ZNF699: variants seen among roughly 807,000 people sequenced by gnomAD.
ZNF699 encodes the protein hangover homolog.
In ZNF699, 18 loss-of-function variants were observed where a neutral mutation model predicts 22.5. That is an observed-to-expected ratio of 0.80 (90% confidence interval 0.55 to 1.19). The LOEUF (loss-of-function observed/expected upper bound fraction) is 1.19. Ranked by LOEUF, ZNF699 falls within the 50% of genes most tolerant of loss-of-function variation. ZNF699 has a pLI of 0.00. For missense variants in ZNF699, 670 were observed against 763.4 expected (o/e 0.88, Z 1.44); for synonymous variants, 241 against 262.3 (o/e 0.92, Z 0.78).
chr19:9,302,269 T>G (rs2066310312), intron 3 of ZNF699, 109 bp downstream of exon 3: 9 of 1,305,580 alleles, frequency 6.9e-6, no homozygotes, highest in South Asian at 1.2e-5. Context: ...ATATCTGTCT[T>G]ACTTACCAAT....
At chr19:9,299,505 A>G (rs1391052486) in intron 3 of ZNF699, among the ~76,000 whole-genome samples, 5 of 151,986 alleles carry the variant, frequency 3.3e-5, no homozygotes, top group African/African-American at 1.2e-4. Context: ...TGGTGTGATC[A>G]TAGCTCACTG....
Position 9,292,474 on chromosome 19 carries a change from A to G in ZNF699, c.*3001T>C, listed in dbSNP as rs930638656. ...TTTCTGGGGCCATCTATGAAGAGAC[A>G]ACCTGCTTGGAAGAAACACTAATGC... On this transcript the variant is annotated 3_prime_UTR_variant, in exon 6 of 6. Transcript: ENST00000591998. Among the ~76,000 whole-genome samples the G allele has an allele frequency of 4.6e-5, 7 of 152,182 alleles. No individual in the cohort carries two copies. Among genetic ancestry groups the G allele is most frequent in the Admixed American group, 1.3e-4 (2 of 15,274 alleles).
At chr19:9,298,138 T>TA in intron 3 of ZNF699, 148 bp from the exon 4 acceptor site, 1 of 560,722 alleles carries the variant, frequency 1.8e-6, no homozygotes. Context: ...TTTATTTATT[T>TA]TTTTTTTTAA....
At chr19:9,298,299 A>G (rs546126081) in intron 3 of ZNF699, among the ~76,000 whole-genome samples, 18 of 152,244 alleles carry the variant, frequency 1.2e-4, no homozygotes, top group Admixed American at 3.9e-4. Flanking sequence ...TACAAAAATT[A>G]GCAGGGTGTG....
chr19:9,296,605 T>C lies in ZNF699; in HGVS notation c.799A>G (p.Arg267Gly), dbSNP rs754747037. 6.2e-7 allele frequency: 1 copy of C among 1,614,206 alleles called. No individual in the cohort carries two copies. Among genetic ancestry groups the C allele is most frequent in the South Asian group, 1.1e-5 (1 of 91,086 alleles). ...CCGATGTGAATCTTCATATGTGCCC[T>C]AAAGAATGAGGAACAGCTGAAGGCT... is the stretch of plus-strand genomic sequence containing the variant. ...TKAFSCSSFFRAHMKIHIGKT... is the reference protein window; with the variant it reads ...TKAFSCSSFFGAHMKIHIGKT... The change falls in exon 6 of 6, where the codon AGG (arginine) becomes GGG (glycine). Residue 267 changes from arginine (R) to glycine (G), a missense_variant. Physicochemically the swap from Arg to Gly is moderately radical, Grantham distance 125. Coordinates refer to ENST00000591998, the MANE Select transcript of ZNF699 (RefSeq NM_198535.3).
Position 9,296,534 on chromosome 19 carries a change from A to G in ZNF699, c.870T>C (p.Cys290=), listed in dbSNP as rs554563890. The change falls in exon 6 of 6, where the codon TGT becomes TGC. Residue 290 remains cysteine (C), a synonymous_variant. Coordinates refer to ENST00000591998, the MANE Select transcript of ZNF699 (RefSeq NM_198535.3). Reference sequence around the variant, plus strand: ...TTTTGTGTTCTGTGAGCGATGAGGAACAACTAAAACCTTTCCCACATTCTT... The same window carrying G: ...TTTTGTGTTCTGTGAGCGATGAGGAGCAACTAAAACCTTTCCCACATTCTT... The part of the protein sequence containing the change: ...ECKECGKGFS[C]SSSLTEHKRI... 2.5e-6 allele frequency: 4 copies of G among 1,614,168 alleles called. No individual in the cohort carries two copies. The African/African-American group carries it at 5.3e-5, about 22-fold the overall frequency.
chr19:9,291,342 A>G lies in ZNF699; in HGVS notation c.*4133T>C, dbSNP rs574290813. On this transcript the variant is annotated 3_prime_UTR_variant, in exon 6 of 6. Coordinates refer to ENST00000591998, the MANE Select transcript of ZNF699 (RefSeq NM_198535.3). Reference sequence around the variant, plus strand: ...CATGGGGAACAGAGAAGGCAAGACAATCTTAAAGAATAAAAAAGTTGGAAG... The same window carrying G: ...CATGGGGAACAGAGAAGGCAAGACAGTCTTAAAGAATAAAAAAGTTGGAAG... Among the ~76,000 whole-genome samples the G allele has an allele frequency of 6.6e-6, 1 of 152,360 alleles. No homozygotes were observed. The highest frequency in any genetic ancestry group is 2.4e-5 in the African/African-American group (1 of 41,594).
In ZNF699 at chr19:9,297,917, TTC is replaced by T. The variant is rs1194469411; in HGVS notation, c.247_248del (p.Glu83ThrfsTer15). ...CTCCCATAAAGATGCCCTGGATAAGTTCTCTCTTCACTGTCTGCAGGTCCTCC... is the reference window on the plus strand; with the variant it reads ...CTCCCATAAAGATGCCCTGGATAAGTTCTCTTCACTGTCTGCAGGTCCTCC... ...QEEDLQTVKR[E>X]LIQGIFMGEH... On this transcript the variant is annotated frameshift_variant, in exon 4 of 6. Transcript: ENST00000591998. LOFTEE classifies it high-confidence loss of function. The surrounding 1 kb of genome is among the most constrained non-coding windows in gnomAD (Gnocchi z 4.3). 1.2e-6 allele frequency: 2 copies of T among 1,613,650 alleles called. No homozygotes were observed. The highest frequency in any genetic ancestry group is 2.2e-5 in the South Asian group (2 of 91,062).
rs753736246 is a variant in ZNF699 at position 9,295,674 on chromosome 19, T to G, written c.1730A>C (p.His577Pro). 2 of 1,614,056 alleles carry G rather than the reference T, an allele frequency of 1.2e-6. No individual in the cohort carries two copies. The highest frequency in any genetic ancestry group is 1.3e-5 in the African/African-American group (1 of 74,918). Residue 577 changes from histidine to proline, a missense_variant, in exon 6 of 6, where the codon CAT (histidine) becomes CCT (proline). Coordinates refer to ENST00000591998, the MANE Select transcript of ZNF699 (RefSeq NM_198535.3). ...AFRHSSYLTV[H>P]ARMHTGEKPF... ...TTTCTCTCCAGTGTGCATTCTTGCATGTACAGTAAGGTATGAAGAATGACG... is the reference window on the plus strand; with the variant it reads ...TTTCTCTCCAGTGTGCATTCTTGCAGGTACAGTAAGGTATGAAGAATGACG...
At chr19:9,302,663 T>G (rs1447276966) in intron 2 of ZNF699, among the ~76,000 whole-genome samples, 159 bp from the exon 3 acceptor site, 3 of 152,200 alleles carry the variant, frequency 2.0e-5, no homozygotes, top group Non-Finnish European at 4.4e-5. Flanking sequence ...AATCTCTCTC[T>G]CTTTCTATCC....
intron 3 of ZNF699, among the ~76,000 whole-genome samples, chr19:9,298,352 A>T (rs2066294888): frequency 6.6e-6 from 1 of 151,792 alleles, no homozygotes; most frequent in Non-Finnish European, 1.5e-5. Context: ...AGTCTGAGGC[A>T]GGAGAATTGC....
In ZNF699 at chr19:9,296,488, G is replaced by C; in HGVS notation, c.916C>G (p.Pro306Ala). Reference protein sequence around the residue: ...EHKRIHSGDKPYECKECGKAF... With the variant: ...EHKRIHSGDKAYECKECGKAF... ...TTCCCACATTCCTTACATTCATAAG[G>C]CTTATCTCCACTGTGAATTCTTTTG... Residue 306 changes from proline to alanine, a missense_variant, in exon 6 of 6, where the codon CCT (proline) becomes GCT (alanine). Physicochemically the swap from Pro to Ala is conservative, Grantham distance 27 (BLOSUM62 -1). Coordinates refer to ENST00000591998, the MANE Select transcript of ZNF699 (RefSeq NM_198535.3). 6.2e-7 allele frequency: 1 copy of C among 1,614,044 alleles called. No individual in the cohort carries two copies. Among genetic ancestry groups the C allele is most frequent in the Admixed American group, 1.7e-5 (1 of 60,004 alleles).
At chr19:9,307,670 C>G (rs2066332233) in intron 1 of ZNF699, among the ~76,000 whole-genome samples, 1 of 151,950 alleles carries the variant, frequency 6.6e-6, no homozygotes, top group African/African-American at 2.4e-5. Flanking sequence ...CAGTACTGGC[C>G]AGGCACGGTG....
intron 3 of ZNF699, among the ~76,000 whole-genome samples, chr19:9,300,186 T>G (rs2066302126): frequency 6.6e-6 from 1 of 152,174 alleles, no homozygotes; most frequent in South Asian, 2.1e-4. Flanking sequence ...GTTCACACCA[T>G]TCTCCTGCCT....
rs2066285362 is a variant in ZNF699, at chr19:9,296,182, T to TA, written c.1221dup (p.Ile408TyrfsTer13). 6.2e-7 allele frequency: 1 copy of TA among 1,613,574 alleles called. No individual in the cohort carries two copies. The highest frequency in any genetic ancestry group is 8.5e-7 in the Non-Finnish European group (1 of 1,179,870). ...TCTCCAGTGTGTTTTCTCATATGGA[T>TA]ACTTAAGGAGGAGGGACAATTGTAG... is the stretch of plus-strand genomic sequence containing the variant. On this transcript the variant is annotated frameshift_variant, in exon 6 of 6. Coordinates refer to ENST00000591998, the MANE Select transcript of ZNF699 (RefSeq NM_198535.3). LOFTEE classifies it low-confidence loss of function (END_TRUNC).
In ZNF699 at chr19:9,297,569, T is replaced by C; in HGVS notation, c.287-90A>G. The C allele has an allele frequency of 2.0e-6, 2 of 992,452 alleles. No individual in the cohort carries two copies. The highest frequency in any genetic ancestry group is 3.0e-6 in the Non-Finnish European group (2 of 677,874). The allele number at this position is 992,452 out of a possible 1,614,324, so 61.5% of individuals were successfully genotyped here. ...ACTTTGGTATTAATAGGCACAAGGG[T>C]CAAAATGGTAAGCAATTAACTAAGA... On this transcript the variant is annotated intron_variant, in intron 4 of 5. Transcript: ENST00000591998. The surrounding 1 kb of genome is among the most constrained non-coding windows in gnomAD (Gnocchi z 4.3).
intron 3 of ZNF699, among the ~76,000 whole-genome samples, chr19:9,301,877 C>A (rs550392346): frequency 6.6e-6 from 1 of 151,618 alleles, no homozygotes; most frequent in African/African-American, 2.4e-5. Flanking sequence ...AGCATCAGTT[C>A]AATATACAGA....
Position 9,296,328 on chromosome 19 carries a change from C to G in ZNF699, c.1076G>C (p.Gly359Ala), listed in dbSNP as rs2066286082. 1 of 1,613,950 alleles carries G rather than the reference C, an allele frequency of 6.2e-7. No individual in the cohort carries two copies. Among genetic ancestry groups the G allele is most frequent in the African/African-American group, 1.3e-5 (1 of 74,994 alleles). ...HLIIHIRIHT[G>A]EKPYECKECG... Reference sequence around the variant, plus strand: ...CTCTTTACATTCATAAGGCTTCTCTCCAGTGTGAATTCTTATATGTATTAT... The same window carrying G: ...CTCTTTACATTCATAAGGCTTCTCTGCAGTGTGAATTCTTATATGTATTAT... Residue 359 changes from glycine to alanine, a missense_variant, in exon 6 of 6, where the codon GGA becomes GCA. Gly to Ala is a moderately conservative substitution (Grantham distance 60). Transcript: ENST00000591998.
At chr19:9,306,503 G>A (rs918416609) in intron 1 of ZNF699, among the ~76,000 whole-genome samples, 2 of 152,004 alleles carry the variant, frequency 1.3e-5, no homozygotes, top group African/African-American at 4.8e-5. Flanking sequence ...AGTGGAACAA[G>A]TAGCATTTTA....
Sources: allele counts gnomAD v4.1 joint callset (sites outside exome capture counted in the v4.1 genomes callset), GRCh38; gene constraint gnomAD v4.1.1; non-coding constraint Gnocchi (gnomAD v3.1); transcripts MANE v1.5; gene names NCBI Gene and HGNC (gene_info 2026-07-23, HGNC 2026-07-21).